Variants in MYO18B observed in about 807,000 individuals in gnomAD.
MYO18B encodes the protein myosin XVIIIB, also known as unconventional myosin-XVIIIb.
Under a neutral mutation model 273.0 loss-of-function variants are expected in MYO18B, and 204 were observed. The observed-to-expected ratio is 0.75, with a 90% confidence interval of 0.67 to 0.84. MYO18B has a LOEUF of 0.84. Ranked by LOEUF, MYO18B falls within the 40% of genes least tolerant of loss-of-function variation. The probability of loss-of-function intolerance (pLI) is 0.00; values close to 1 mark genes in which losing one functional copy is unlikely to be tolerated. For synonymous variants in MYO18B, 1,330 were observed against 1,305.7 expected (o/e 1.02, Z -0.40); for missense variants, 3,212 against 3,287.6 (o/e 0.98, Z 0.56).
intron 39 of MYO18B, among the ~76,000 whole-genome samples, chr22:25,977,342 T>C (rs1258548137): frequency 4.6e-5 from 7 of 151,084 alleles, no homozygotes; most frequent in African/African-American, 2.5e-5. Flanking sequence ...TTTGTATTTG[T>C]ATCTGGGTTG....
chr22:26,019,597 T>G (rs1460661079), intron 42 of MYO18B, among the ~76,000 whole-genome samples: 1 of 152,270 alleles, frequency 6.6e-6, no homozygotes, highest in South Asian at 2.1e-4. Flanking sequence ...TTACAGACTC[T>G]CTGTTGTTAT....
chr22:25,929,949 C>T (rs1041717923), intron 34 of MYO18B, among the ~76,000 whole-genome samples: 2 of 151,768 alleles, frequency 1.3e-5, no homozygotes, highest in African/African-American at 2.4e-5. Flanking sequence ...TGCCTTCAGC[C>T]TAAAGTCCAG....
the MYO18B span, among the ~76,000 whole-genome samples, chr22:26,051,719 T>TA: frequency 1.3e-5 from 2 of 152,260 alleles, no homozygotes; most frequent in African/African-American, 4.8e-5. Flanking sequence ...GATTTCTTGT[T>TA]ATCTTTCCTG....
At chr22:25,929,557 TATTTG>T in intron 34 of MYO18B, among the ~76,000 whole-genome samples, 1 of 152,324 alleles carries the variant, frequency 6.6e-6, no homozygotes, top group East Asian at 1.9e-4. Flanking sequence ...TCTCTCCCCC[TATTTG>T]ATTCATGCTT....
chr22:25,744,985 C>A (rs954157637), intron 1 of MYO18B, among the ~76,000 whole-genome samples: 1 of 152,146 alleles, frequency 6.6e-6, no homozygotes, highest in South Asian at 2.1e-4. Flanking sequence ...GGAGCAACCA[C>A]GAGCCCCTTA....
rs1026909601 is a variant in MYO18B at position 25,932,413 on chromosome 22, TTTTTTTTTC to T, written c.5517+11008_5517+11016del. ...TTCTTTTCTTTTTTCTTTTCTTTCTTTTTTTTTTCTTTGAGACACAGTTTTGCTCTTGTC... is the reference window on the plus strand; with the variant it reads ...TTCTTTTCTTTTTTCTTTTCTTTCTTTTTGAGACACAGTTTTGCTCTTGTC... On this transcript the variant is annotated intron_variant, in intron 34 of 43. Coordinates refer to ENST00000335473, the MANE Select transcript of MYO18B (RefSeq NM_032608.7). Among the ~76,000 whole-genome samples, 579 of 150,066 alleles carry T rather than the reference TTTTTTTTTC, an allele frequency of 3.9e-3. 5 individuals carry two copies. Among genetic ancestry groups the T allele is most frequent in the African/African-American group, 0.014 (553 of 40,742 alleles).
chr22:25,958,535 A>G (rs1264126215), intron 39 of MYO18B, among the ~76,000 whole-genome samples: 2 of 152,168 alleles, frequency 1.3e-5, no homozygotes, highest in Non-Finnish European at 1.5e-5. Flanking sequence ...ACTTTCTTGT[A>G]TCACTCATTT....
intron 1 of MYO18B, among the ~76,000 whole-genome samples, chr22:25,755,938 C>T (rs889262765): frequency 6.6e-5 from 10 of 151,938 alleles, no homozygotes; most frequent in African/African-American, 2.4e-4. Flanking sequence ...ACCCCCGTTG[C>T]CCAGGCTGGA....
intron 39 of MYO18B, among the ~76,000 whole-genome samples, chr22:25,977,521 A>G (rs2093104134): frequency 6.6e-6 from 1 of 152,192 alleles, no homozygotes; most frequent in African/African-American, 2.4e-5. Flanking sequence ...GAAGTGGGAC[A>G]TAGGACGAGC....
intron 21 of MYO18B, among the ~76,000 whole-genome samples, chr22:25,854,853 T>C (rs1261732805): frequency 6.6e-6 from 1 of 152,246 alleles, no homozygotes; most frequent in Non-Finnish European, 1.5e-5. Flanking sequence ...ATTTCCTTCC[T>C]GAGGCTGAAA....
intron 42 of MYO18B, among the ~76,000 whole-genome samples, chr22:26,021,972 C>T (rs1935855685): frequency 6.6e-6 from 1 of 152,144 alleles, no homozygotes; most frequent in Non-Finnish European, 1.5e-5. Flanking sequence ...TGGCTGGATG[C>T]TTATCCTCTG....
chr22:26,045,073 G>T, the MYO18B span, among the ~76,000 whole-genome samples: 1 of 150,446 alleles, frequency 6.6e-6, no homozygotes, highest in Non-Finnish European at 1.5e-5. Context: ...TTTGGTTTTT[G>T]GTTTTTTTTT....
intron 12 of MYO18B, among the ~76,000 whole-genome samples, chr22:25,822,361 A>G (rs1040007676): frequency 1.3e-5 from 2 of 152,160 alleles, no homozygotes; most frequent in Non-Finnish European, 2.9e-5. Flanking sequence ...GTCTCTCTTG[A>G]TCTCAGCACC....
At chr22:25,838,291 C>T (rs1196762297) in intron 17 of MYO18B, among the ~76,000 whole-genome samples, 3 of 152,006 alleles carry the variant, frequency 2.0e-5, no homozygotes, top group Non-Finnish European at 4.4e-5. Flanking sequence ...CTCCGCCTCC[C>T]GGGTTCAAGC....
At chr22:25,907,294 C>T (rs537930544) in intron 31 of MYO18B, among the ~76,000 whole-genome samples, 31 of 152,194 alleles carry the variant, frequency 2.0e-4, no homozygotes, top group South Asian at 1.7e-3. Context: ...ACCCTTTATA[C>T]GACTTCACAC....
intron 25 of MYO18B, among the ~76,000 whole-genome samples, chr22:25,879,596 C>T (rs1411841362): frequency 6.6e-6 from 1 of 152,056 alleles, no homozygotes; most frequent in East Asian, 1.9e-4. Context: ...ATTTCATGGG[C>T]TGGGGGTGAC....
chr22:25,955,117 TC>T, intron 38 of MYO18B, 61 bp from the exon 39 acceptor site: 2 of 1,447,746 alleles, frequency 1.4e-6, no homozygotes, highest in Admixed American at 5.3e-5. Context: ...TTCCTGAGGC[TC>T]CCTTGTTTCA....
intron 33 of MYO18B, among the ~76,000 whole-genome samples, chr22:25,917,645 C>A (rs904071560): frequency 6.6e-6 from 1 of 151,180 alleles, no homozygotes; most frequent in African/African-American, 2.4e-5. Context: ...TAGTCTCTAG[C>A]TTTTCATATA....
At chr22:25,964,164 A>C (rs2092951068) in intron 39 of MYO18B, 1 of 153,218 alleles carries the variant, frequency 6.5e-6, no homozygotes, top group African/African-American at 2.4e-5. Flanking sequence ...AGGGATGAAC[A>C]TGGAGTGGTG....
Sources: allele counts gnomAD v4.1 joint callset (sites outside exome capture counted in the v4.1 genomes callset), GRCh38; gene constraint gnomAD v4.1.1; transcripts MANE v1.5; gene names NCBI Gene and HGNC (gene_info 2026-07-23, HGNC 2026-07-21).